Variants in IGHMBP2 observed in about 807,000 individuals in gnomAD.
IGHMBP2 encodes DNA-binding protein SMUBP-2.
IGHMBP2 carries 81 observed loss-of-function variants against 96.0 expected under a neutral mutation model. The ratio of observed to expected loss-of-function variants is 0.84; its 90% confidence interval spans 0.71 to 1.01. The LOEUF (loss-of-function observed/expected upper bound fraction) is 1.01. Among genes scored for constraint, IGHMBP2 ranks in the 50% least tolerant of loss-of-function variants. The probability of loss-of-function intolerance (pLI) is 0.00; values close to 1 mark genes in which losing one functional copy is unlikely to be tolerated. For synonymous variants in IGHMBP2, 557 were observed against 548.9 expected, an observed-to-expected ratio of 1.01 and a Z score of -0.21; for missense variants, 1,227 against 1,306.3, an observed-to-expected ratio of 0.94 and a Z score of 0.94.
rs776831768 is a variant in IGHMBP2 at position 68,939,546 on chromosome 11, G to A, written c.2797G>A (p.Gly933Ser). 27 of 1,611,974 alleles carry A rather than the reference G, an allele frequency of 1.7e-5. No homozygotes were observed. Among genetic ancestry groups the A allele is most frequent in the Admixed American group, 5.0e-5 (3 of 60,012 alleles). The change falls in exon 15 of 15, where the codon GGT (glycine) becomes AGT (serine). Residue 933 changes from glycine to serine, a missense_variant. Coordinates refer to ENST00000255078, the MANE Select transcript of IGHMBP2 (RefSeq NM_002180.3). ...GTGTCCTCCCCAGATCCATGGCTGC[G>A]GTGAGAGGGCTCGCGCCCATGCCCG... ...SHHLPEIHGC[G>S]ERARAHARQR...
intron 7 of IGHMBP2, among the ~76,000 whole-genome samples, chr11:68,928,137 G>C (rs1859142271): frequency 6.6e-6 from 1 of 152,198 alleles, no homozygotes; most frequent in Admixed American, 6.5e-5. Flanking sequence ...ATCCTTCTCT[G>C]GCTTCAAGGA....
chr11:68,921,471 G>C (rs929643957), intron 7 of IGHMBP2, among the ~76,000 whole-genome samples: 3 of 152,118 alleles, frequency 2.0e-5, no homozygotes, highest in Non-Finnish European at 4.4e-5. Flanking sequence ...AGGCCTTACA[G>C]TATGTGTCTT....
At chr11:68,917,918 CGAA>C (rs754580303) in intron 7 of IGHMBP2, 35 bp downstream of exon 7, 1 of 1,608,646 alleles carries the variant, frequency 6.2e-7, no homozygotes, top group Non-Finnish European at 8.5e-7. Context: ...TGTGTGGCCT[CGAA>C]GAAGGAGTTG....
chr11:68,936,418 T>A lies in IGHMBP2; in HGVS notation c.1938T>A (p.Ile646=). The A allele has an allele frequency of 6.2e-7, 1 of 1,614,112 alleles. No homozygotes were observed. Among genetic ancestry groups the A allele is most frequent in the Non-Finnish European group, 8.5e-7 (1 of 1,180,032 alleles). ...CGGCCTTTGAGTATCTTGACGATAT[T>A]GTCCCAGAAAACTATTCCCATGAGA... ...VRTAFEYLDD[I]VPENYSHENS... is the part of the protein sequence containing the mutation. The change falls in exon 13 of 15, where the codon ATT becomes ATA. Residue 646 remains isoleucine, a synonymous_variant. Coordinates refer to ENST00000255078, the MANE Select transcript of IGHMBP2 (RefSeq NM_002180.3).
chr11:68,907,514 C>T (rs376389456), intron 2 of IGHMBP2, among the ~76,000 whole-genome samples: 6 of 152,142 alleles, frequency 3.9e-5, no homozygotes, highest in East Asian at 3.9e-4. Flanking sequence ...GAGGAAGCAG[C>T]GTTGCCAGGG....
At position 68,906,448 on chromosome 11, in the gene IGHMBP2, C is replaced by G. The variant is rs1858198383; in HGVS notation, c.256+210C>G. On this transcript the variant is annotated intron_variant, in intron 2 of 14. Transcript: ENST00000255078. ...GTAGCCATTAGCCATGCGTGGTCAT[C>G]AAATGTTTGAAGTGTGGCTTGTAAT... 6.6e-6 allele frequency: 4 copies of G among 604,778 alleles called. No homozygotes were observed. In the South Asian group the frequency reaches 7.6e-5, roughly 11 times the overall value. 37.5% of individuals were successfully genotyped at this position (604,778 alleles called of 1,614,324 possible). A position where few individuals can be genotyped will look rare whatever the true frequency, so the allele number is the denominator to read the frequency against.
At chr11:68,914,714 G>A in intron 5 of IGHMBP2, 109 bp from the exon 6 acceptor site, 2 of 1,128,768 alleles carry the variant, frequency 1.8e-6, no homozygotes, top group Non-Finnish European at 2.7e-6. Context: ...GAGCACGTGT[G>A]TACATGCCTT....
intron 7 of IGHMBP2, among the ~76,000 whole-genome samples, chr11:68,927,586 C>T (rs1034681013): frequency 9.2e-5 from 14 of 152,290 alleles, no homozygotes; most frequent in Non-Finnish European, 1.9e-4. Context: ...TTTTCAAAGC[C>T]CCCTGAGGAT....
At chr11:68,910,189 C>A (rs1331251542) in intron 4 of IGHMBP2, among the ~76,000 whole-genome samples, 1 of 152,216 alleles carries the variant, frequency 6.6e-6, no homozygotes, top group East Asian at 1.9e-4. Flanking sequence ...AGCATGCAGT[C>A]CCTCAAGATG....
At chr11:68,921,142 TTCC>T (rs1236351602) in intron 7 of IGHMBP2, among the ~76,000 whole-genome samples, 1 of 151,306 alleles carries the variant, frequency 6.6e-6, no homozygotes, top group Non-Finnish European at 1.5e-5. Context: ...TTGTTATATT[TTCC>T]TCCTCTTCTG....
chr11:68,930,316 T>C lies in IGHMBP2; in HGVS notation c.1235+959T>C, dbSNP rs1295141719. On this transcript the variant is annotated intron_variant, in intron 8 of 14. Transcript: ENST00000255078. ...AAACACTTCTCTGTTTCACTGTGGG[T>C]GTGTAGAAGCTATGAACTCGGAACT... 3.9e-6 allele frequency: 5 copies of C among 1,289,560 alleles called. No homozygotes were observed. In the Admixed American group the frequency reaches 9.2e-5, roughly 24 times the overall value. 79.9% of individuals were successfully genotyped at this position (1,289,560 alleles called of 1,614,324 possible).
chr11:68,937,026 C>A lies in IGHMBP2; in HGVS notation c.2546C>A (p.Ala849Asp). 6.2e-7 allele frequency: 1 copy of A among 1,608,132 alleles called. No individual in the cohort carries two copies. Residue 849 changes from alanine to aspartate, a missense_variant, in exon 13 of 15, where the codon GCC becomes GAC. By Grantham distance (126) the Ala-to-Asp change is moderately radical (BLOSUM62 -2). Coordinates refer to ENST00000255078, the MANE Select transcript of IGHMBP2 (RefSeq NM_002180.3). ...GTCAGGAGCGCGCAGGGGCAGCCCG[C>A]CAGCAAGGAGCAGCAGGCCTCAGGG... The part of the protein sequence containing the change: ...QRVRSAQGQP[A>D]SKEQQASGQQ...
At chr11:68,917,421 G>C (rs564285743) in intron 6 of IGHMBP2, among the ~76,000 whole-genome samples, 4 of 152,250 alleles carry the variant, frequency 2.6e-5, no homozygotes, top group African/African-American at 9.6e-5. Flanking sequence ...ATCCTGGGGC[G>C]GGCAAGCGCT....
chr11:68,935,194 G>A (rs1859476745), intron 11 of IGHMBP2, 105 bp from the exon 12 acceptor site: 1 of 1,478,504 alleles, frequency 6.8e-7, no homozygotes, highest in East Asian at 2.4e-5. Context: ...CGCTTCCCAG[G>A]TCCTGGCTGT....
chr11:68,935,803 C>T (rs1566445559), intron 12 of IGHMBP2, among the ~76,000 whole-genome samples: 1 of 152,190 alleles, frequency 6.6e-6, no homozygotes, highest in Non-Finnish European at 1.5e-5. Context: ...GTGGGCTTTC[C>T]CATTTGGGAT....
rs1858583348 is a variant in IGHMBP2 at position 68,914,815 on chromosome 11, G to A, written c.712-8G>A. 6.2e-7 allele frequency: 1 copy of A among 1,614,042 alleles called. No individual in the cohort carries two copies. The highest frequency in any genetic ancestry group is 1.3e-5 in the African/African-American group (1 of 74,940). On this transcript the variant is annotated splice_region_variant and splice_polypyrimidine_tract_variant and intron_variant, in intron 5 of 14. Transcript: ENST00000255078. ...GTAAATGACCAGATCCTAACTTGCGGTTCCCAGGTTCTGTGCTGCGCCCCC... is the reference window on the plus strand; with the variant it reads ...GTAAATGACCAGATCCTAACTTGCGATTCCCAGGTTCTGTGCTGCGCCCCC...
At chr11:68,920,997 A>G (rs144078683) in intron 7 of IGHMBP2, among the ~76,000 whole-genome samples, 37 of 150,418 alleles carry the variant, frequency 2.5e-4, no homozygotes, top group East Asian at 9.9e-4. Flanking sequence ...GGGTCTTGCA[A>G]TGTTGCCCAG....
rs1555241972 is a variant in IGHMBP2 at position 68,904,803 on chromosome 11, C to CT, written c.86+779dup. ...GTGTAAGTTTCTTTTTTTTCTTTTTCTTTTTTTTTTTTTTAGACAGAGTCT... is the reference window on the plus strand; with the variant it reads ...GTGTAAGTTTCTTTTTTTTCTTTTTCTTTTTTTTTTTTTTTAGACAGAGTCT... On this transcript the variant is annotated intron_variant, in intron 1 of 14. Coordinates refer to ENST00000255078, the MANE Select transcript of IGHMBP2 (RefSeq NM_002180.3). Among the ~76,000 whole-genome samples the CT allele has an allele frequency of 2.9e-3, 354 of 120,986 alleles. 8 individuals carry two copies. The highest frequency in any genetic ancestry group is 8.7e-3 in the African/African-American group (286 of 33,060). 79.4% of individuals were successfully genotyped at this position (120,986 alleles called of 152,430 possible).
chr11:68,906,260 C>T, intron 2 of IGHMBP2, 22 bp downstream of exon 2: 1 of 1,613,222 alleles, frequency 6.2e-7, no homozygotes, highest in East Asian at 2.2e-5. Context: ...TTGACCTAGA[C>T]AGACATTGAA....
Sources: gnomAD v4.1 joint callset for allele counts (sites outside exome capture counted in the v4.1 genomes callset) on GRCh38, gnomAD v4.1.1 for gene constraint, MANE v1.5 for transcripts, NCBI Gene and HGNC (gene_info 2026-07-23, HGNC 2026-07-21) for gene names.